Variants in SCAMP5 observed in about 807,000 individuals in gnomAD.
SCAMP5 encodes the protein secretory carrier-associated membrane protein 5.
In SCAMP5, 7 loss-of-function variants were observed where a neutral mutation model predicts 28.3. That is an observed-to-expected ratio of 0.25 (90% CI 0.14 to 0.46). SCAMP5 has a LOEUF of 0.46. SCAMP5 is among the 20% of genes least tolerant of loss of function. SCAMP5 has a pLI of 0.99. For missense variants in SCAMP5, 192 were observed against 312.5 expected (o/e 0.61, Z 2.91); for synonymous variants, 117 against 116.4 (o/e 1.00, Z -0.03).
At position 75,016,768 on chromosome 15, in the gene SCAMP5, C is replaced by T. The variant is rs1257386724; in HGVS notation, c.293+19C>T. On this transcript the variant is annotated intron_variant, in intron 4 of 6. Transcript: ENST00000425597. ...CCTTCAAGTAAGTGGTTGGTGCTAT[C>T]CGCAGTGCCTAGCCGTCTCTGCCCA... The T allele has an allele frequency of 1.2e-6, 2 of 1,605,604 alleles. No homozygotes were observed. Among genetic ancestry groups the T allele is most frequent in the Non-Finnish European group, 1.7e-6 (2 of 1,174,136 alleles).
intron 1 of SCAMP5, among the ~76,000 whole-genome samples, chr15:75,004,805 A>ATT (rs761728552): frequency 4.3e-4 from 66 of 152,310 alleles, no homozygotes; most frequent in Non-Finnish European, 8.5e-4. Flanking sequence ...TTAATAGTGA[A>ATT]TAGTAGTATC....
intron 1 of SCAMP5, among the ~76,000 whole-genome samples, chr15:75,010,750 A>T (rs563213296): frequency 5.3e-5 from 8 of 152,112 alleles, no homozygotes; most frequent in Non-Finnish European, 1.2e-4. Flanking sequence ...ACTTTACTCC[A>T]GCCTGGGTGA....
At position 75,008,586 on chromosome 15, in the gene SCAMP5, G is replaced by A. The variant is rs543173904; in HGVS notation, c.-48-3206G>A. 3.1e-3 allele frequency among the ~76,000 whole-genome samples: 463 copies of A among 150,128 alleles called. 6 individuals carry two copies. The highest frequency in any genetic ancestry group is 0.011 in the African/African-American group (441 of 40,724). On this transcript the variant is annotated intron_variant, in intron 1 of 6. Transcript: ENST00000425597. Reference sequence around the variant, plus strand: ...GAAATCTTGGCTCACTGCAACCTCCGCCTCCTGGGTTCAAGCGATTCTCCC... The same window carrying A: ...GAAATCTTGGCTCACTGCAACCTCCACCTCCTGGGTTCAAGCGATTCTCCC...
chr15:75,003,398 A>AT (rs1214183253), intron 1 of SCAMP5, among the ~76,000 whole-genome samples: 2 of 152,000 alleles, frequency 1.3e-5, no homozygotes, highest in South Asian at 2.1e-4. Context: ...CAATTACCAT[A>AT]TTTTTTTCTT....
intron 1 of SCAMP5, among the ~76,000 whole-genome samples, chr15:74,999,920 T>G (rs1023029798): frequency 6.6e-6 from 1 of 152,174 alleles, no homozygotes; most frequent in African/African-American, 2.4e-5. Flanking sequence ...TTGAGATAGA[T>G]CTGTATTCAT....
intron 3 of SCAMP5, among the ~76,000 whole-genome samples, chr15:75,015,940 A>AG (rs1156239275): frequency 2.0e-5 from 3 of 151,746 alleles, no homozygotes; most frequent in South Asian, 4.2e-4. Context: ...AAAAAAAAAA[A>AG]AAAAAAGAAA....
intron 3 of SCAMP5, chr15:75,013,022 T>C (rs1459713620): frequency 8.7e-6 from 5 of 573,714 alleles, no homozygotes; most frequent in Non-Finnish European, 1.6e-5. Context: ...ACCTCCCCCA[T>C]CTAGGCCTCT....
chr15:75,000,574 C>T (rs367706968), intron 1 of SCAMP5, among the ~76,000 whole-genome samples: 2 of 151,736 alleles, frequency 1.3e-5, no homozygotes, highest in Non-Finnish European at 2.9e-5. Context: ...TAAGTAGAGA[C>T]GAGGTTTCAC....
chr15:75,015,900 T>C, intron 3 of SCAMP5, among the ~76,000 whole-genome samples: 1 of 118,728 alleles, frequency 8.4e-6, no homozygotes, highest in South Asian at 2.9e-4. Flanking sequence ...CACTCCAGCC[T>C]GGGCGACAGA....
At chr15:74,999,232 C>T (rs1290457455) in intron 1 of SCAMP5, among the ~76,000 whole-genome samples, 1 of 152,170 alleles carries the variant, frequency 6.6e-6, no homozygotes. Flanking sequence ...TTCTCAGACA[C>T]CTCCATTTTC....
At chr15:75,010,411 A>G (rs574367384) in intron 1 of SCAMP5, among the ~76,000 whole-genome samples, 2 of 152,242 alleles carry the variant, frequency 1.3e-5, no homozygotes, top group Admixed American at 1.3e-4. Flanking sequence ...CTTAAAACCA[A>G]GACCCCTTCA....
At position 75,019,117 on chromosome 15, in the gene SCAMP5, TTA is replaced by T. The variant is rs71434247; in HGVS notation, c.*150_*151del. On this transcript the variant is annotated 3_prime_UTR_variant, in exon 7 of 7. Transcript: ENST00000425597. The stretch of plus-strand genomic sequence containing the variant: ...CCCTACTTTGTACAAAGGACCAGAG[TTA>T]TATATATATATATATGTATATGTCT... The T allele has an allele frequency of 0.026, 11,619 of 451,246 alleles. No homozygotes were observed. The highest frequency in any genetic ancestry group is 0.032 in the East Asian group (772 of 24,390). The allele number at this position is 451,246 out of a possible 1,614,324, so 28.0% of individuals were successfully genotyped here.
intron 1 of SCAMP5, among the ~76,000 whole-genome samples, chr15:75,009,354 T>C (rs2065789459): frequency 6.6e-6 from 1 of 152,144 alleles, no homozygotes; most frequent in Non-Finnish European, 1.5e-5. Context: ...TATCTGTATT[T>C]GATCCCATAT....
At chr15:74,998,581 G>A (rs1281624292) in intron 1 of SCAMP5, among the ~76,000 whole-genome samples, 1 of 151,496 alleles carries the variant, frequency 6.6e-6, no homozygotes, top group Non-Finnish European at 1.5e-5. Context: ...ACTCCAGCCT[G>A]GGCAACAGAG....
intron 1 of SCAMP5, among the ~76,000 whole-genome samples, chr15:75,003,908 C>CT (rs925829013): frequency 8.6e-4 from 125 of 145,752 alleles, no homozygotes; most frequent in East Asian, 9.9e-4. Flanking sequence ...TTTATTTTTA[C>CT]TTTTTTTTTT....
rs2065657186 is a variant in SCAMP5 at position 74,996,650 on chromosome 15, G to C, written c.-49+977G>C. Among the ~76,000 whole-genome samples, 1 of 152,240 alleles carries C rather than the reference G, an allele frequency of 6.6e-6. No homozygotes were observed. Among genetic ancestry groups the C allele is most frequent in the Non-Finnish European group, 1.5e-5 (1 of 68,042 alleles). On this transcript the variant is annotated intron_variant, in intron 1 of 6. Coordinates refer to ENST00000425597, the MANE Select transcript of SCAMP5 (RefSeq NM_138967.4). The surrounding 1 kb of genome is among the most constrained non-coding windows in gnomAD (Gnocchi z 4.1). ...AGCACAGCTGTTGGGGGCTGAGCCT[G>C]GGAGCTCAGCCATGTGACTGCCCAT...
Position 75,019,188 on chromosome 15 carries a change from C to A in SCAMP5, c.*205C>A. On this transcript the variant is annotated 3_prime_UTR_variant, in exon 7 of 7. Transcript: ENST00000425597. Reference sequence around the variant, plus strand: ...TTCAGATTCTGCTCTTGGCACTCAGCTGTGGGCTGCACGTGGAGCTGTCCC... The same window carrying A: ...TTCAGATTCTGCTCTTGGCACTCAGATGTGGGCTGCACGTGGAGCTGTCCC... 1 of 387,474 alleles carries A rather than the reference C, an allele frequency of 2.6e-6. No individual in the cohort carries two copies. Among genetic ancestry groups the A allele is most frequent in the Admixed American group, 4.5e-5 (1 of 22,452 alleles). The allele number at this position is 387,474 out of a possible 1,614,324, so 24.0% of individuals were successfully genotyped here.
chr15:75,002,503 A>T (rs1306964973), intron 1 of SCAMP5, among the ~76,000 whole-genome samples: 4 of 151,874 alleles, frequency 2.6e-5, no homozygotes, highest in Admixed American at 1.3e-4. Context: ...AGGCTTCTTT[A>T]TCACTGCTGT....
intron 1 of SCAMP5, among the ~76,000 whole-genome samples, chr15:75,001,097 C>T (rs2065702954): frequency 6.6e-6 from 1 of 151,262 alleles, no homozygotes; most frequent in South Asian, 2.1e-4. Context: ...GGTGAAACCC[C>T]GTCTCTACTA....
Sources: allele counts gnomAD v4.1 joint callset (sites outside exome capture counted in the v4.1 genomes callset), GRCh38; gene constraint gnomAD v4.1.1; non-coding constraint Gnocchi (gnomAD v3.1); transcripts MANE v1.5; gene names NCBI Gene and HGNC (gene_info 2026-07-23, HGNC 2026-07-21).